The following SORCS3 variants were observed in gnomAD, a reference collection of about 807,000 sequenced individuals.
SORCS3 encodes sortilin related VPS10 domain containing receptor 3.
Under a neutral mutation model 146.3 loss-of-function variants are expected in SORCS3, and 57 were observed. The observed-to-expected ratio is 0.39, with a 90% CI of 0.31 to 0.49. The LOEUF is 0.49. SORCS3 is among the 20% of genes least tolerant of loss of function. The probability of loss-of-function intolerance (pLI) is 0.92; values close to 1 mark genes in which losing one functional copy is unlikely to be tolerated. For synonymous variants in SORCS3, 653 were observed against 618.5 expected (o/e 1.06, Z -0.83); for missense variants, 1,341 against 1,575.5 (o/e 0.85, Z 2.52).
chr10:105,216,959 C>G lies in SORCS3; in HGVS notation c.2571C>G (p.Ile857Met), dbSNP rs2056668686. ...AGGGTGATCTACAAAGGACAAACAT[C>G]CAGCTTGACTTTGGGGATGGGATTG... The part of the protein sequence containing the change: ...MEEGDLQRTN[I>M]QLDFGDGIAV... The change falls in exon 19 of 27, where the codon ATC (isoleucine) becomes ATG (methionine). Residue 857 changes from isoleucine (I) to methionine (M), a missense_variant. Coordinates refer to ENST00000369701, the MANE Select transcript of SORCS3 (RefSeq NM_014978.3). 3 of 1,614,174 alleles carry G rather than the reference C, an allele frequency of 1.9e-6. No homozygotes were observed. The highest frequency in any genetic ancestry group is 2.5e-6 in the Non-Finnish European group (3 of 1,180,026).
intron 14 of SORCS3, among the ~76,000 whole-genome samples, chr10:105,193,496 T>C (rs759470774): frequency 6.6e-6 from 1 of 152,128 alleles, no homozygotes; most frequent in Non-Finnish European, 1.5e-5. Flanking sequence ...GTGTATAGGG[T>C]TACCAGGAGA....
At chr10:104,722,722 G>A (rs1024629177) in intron 1 of SORCS3, among the ~76,000 whole-genome samples, 5 of 152,128 alleles carry the variant, frequency 3.3e-5, no homozygotes, top group African/African-American at 9.7e-5. Flanking sequence ...TGTATGTGTC[G>A]AGGAATGTAT....
chr10:105,088,676 C>A (rs1165943774), intron 5 of SORCS3, among the ~76,000 whole-genome samples: 2 of 152,198 alleles, frequency 1.3e-5, no homozygotes, highest in Non-Finnish European at 2.9e-5. Context: ...CAGCACTGAA[C>A]TGTGCTGTGT....
intron 1 of SORCS3, among the ~76,000 whole-genome samples, chr10:104,754,824 T>A (rs919878501): frequency 6.6e-6 from 1 of 152,250 alleles, no homozygotes; most frequent in African/African-American, 2.4e-5. Flanking sequence ...TCTTGTTTAC[T>A]TGCATCTATA....
At chr10:105,255,204 A>AAG (rs2056924084) in intron 23 of SORCS3, among the ~76,000 whole-genome samples, 1 of 151,478 alleles carries the variant, frequency 6.6e-6, no homozygotes, top group Non-Finnish European at 1.5e-5. Context: ...AAAAAAAAAA[A>AAG]AAAAAAAGTG....
chr10:104,849,777 T>A (rs895654382), intron 2 of SORCS3, among the ~76,000 whole-genome samples: 2 of 152,338 alleles, frequency 1.3e-5, no homozygotes, highest in African/African-American at 4.8e-5. Context: ...CTCAGCAGCC[T>A]CAGCCAGGCT....
intron 1 of SORCS3, among the ~76,000 whole-genome samples, chr10:104,786,058 A>G (rs2017431823): frequency 6.6e-6 from 1 of 152,168 alleles, no homozygotes; most frequent in Non-Finnish European, 1.5e-5. Context: ...GATCCTCTTT[A>G]GTCCCTGATC....
chr10:105,015,251 G>A (rs772965006), intron 4 of SORCS3, among the ~76,000 whole-genome samples: 6 of 152,132 alleles, frequency 3.9e-5, no homozygotes, highest in Non-Finnish European at 7.3e-5. Flanking sequence ...TGTAAATTCT[G>A]CAATTGAACA....
At chr10:104,927,513 AT>A (rs2019160345) in intron 3 of SORCS3, among the ~76,000 whole-genome samples, 1 of 152,202 alleles carries the variant, frequency 6.6e-6, no homozygotes, top group African/African-American at 2.4e-5. Context: ...GTGAACATTG[AT>A]GGGGGCTTCT....
chr10:104,913,520 C>T (rs1168635447), intron 2 of SORCS3, among the ~76,000 whole-genome samples: 1 of 152,054 alleles, frequency 6.6e-6, no homozygotes, highest in African/African-American at 2.4e-5. Context: ...CCATGTGGAG[C>T]CAGTAGCCTA....
rs568469812 is a variant in SORCS3, at chr10:105,091,291, C to T, written c.1093+1452C>T. Reference sequence around the variant, plus strand: ...TCCCTCCTTCCTTCCTTGCTTCCTTCCTTCCTTCCCTCCTTCCTTCCTTCC... The same window carrying T: ...TCCCTCCTTCCTTCCTTGCTTCCTTTCTTCCTTCCCTCCTTCCTTCCTTCC... On this transcript the variant is annotated intron_variant, in intron 6 of 26. Transcript: ENST00000369701. 4.1e-5 allele frequency among the ~76,000 whole-genome samples: 4 copies of T among 96,912 alleles called. No homozygotes were observed. The East Asian group carries it at 1.3e-3, about 32-fold the overall frequency. 63.6% of individuals were successfully genotyped at this position (96,912 alleles called of 152,430 possible).
At chr10:105,247,177 C>T in intron 21 of SORCS3, 42 bp from the exon 22 acceptor site, 1 of 1,186,210 alleles carries the variant, frequency 8.4e-7, no homozygotes, top group Non-Finnish European at 1.2e-6. Context: ...CCTCTCTCTT[C>T]TCACTCTCCC....
intron 3 of SORCS3, among the ~76,000 whole-genome samples, chr10:104,917,584 T>G (rs2133601305): frequency 6.6e-6 from 1 of 152,330 alleles, no homozygotes; most frequent in East Asian, 1.9e-4. Context: ...TATCTTGAAC[T>G]TATTCCTCCT....
chr10:105,041,117 A>T (rs962381454), intron 4 of SORCS3, among the ~76,000 whole-genome samples: 1 of 147,930 alleles, frequency 6.8e-6, no homozygotes, highest in African/African-American at 2.5e-5. Flanking sequence ...TGGGTTCAAG[A>T]TCTTTTATTT....
At chr10:104,666,383 T>C (rs1477943802) in intron 1 of SORCS3, among the ~76,000 whole-genome samples, 1 of 152,084 alleles carries the variant, frequency 6.6e-6, no homozygotes, top group East Asian at 1.9e-4. Flanking sequence ...GGGGAGAGGA[T>C]TGAAACTGCC....
intron 3 of SORCS3, among the ~76,000 whole-genome samples, chr10:104,955,245 A>G (rs937304143): frequency 4.6e-5 from 7 of 152,106 alleles, no homozygotes; most frequent in Non-Finnish European, 1.0e-4. Flanking sequence ...CCTATTCTGG[A>G]TATTTCATAT....
At chr10:105,021,613 C>T (rs1005780967) in intron 4 of SORCS3, among the ~76,000 whole-genome samples, 4 of 152,114 alleles carry the variant, frequency 2.6e-5, no homozygotes, top group Non-Finnish European at 5.9e-5. Context: ...TAATAATGTT[C>T]CCTGAGATGG....
At chr10:104,986,196 A>G (rs1369516341) in intron 4 of SORCS3, among the ~76,000 whole-genome samples, 3 of 152,240 alleles carry the variant, frequency 2.0e-5, no homozygotes, top group African/African-American at 7.2e-5. Flanking sequence ...CAACTTCTCC[A>G]TCAGCACTTG....
chr10:105,084,402 C>G (rs1245704908), intron 5 of SORCS3, among the ~76,000 whole-genome samples: 1 of 152,156 alleles, frequency 6.6e-6, no homozygotes. Flanking sequence ...ATGATTTCCA[C>G]TTTTCCTTAA....
Sources: allele counts gnomAD v4.1 joint callset (sites outside exome capture counted in the v4.1 genomes callset), GRCh38; gene constraint gnomAD v4.1.1; transcripts MANE v1.5; gene names NCBI Gene and HGNC (gene_info 2026-07-23, HGNC 2026-07-21).